HNF4A: variants seen among roughly 807,000 people sequenced by gnomAD.
The protein encoded by HNF4A is hepatocyte nuclear factor 4 alpha.
In HNF4A, 15 loss-of-function variants were observed where a neutral mutation model predicts 52.4. The ratio of observed to expected loss-of-function variants is 0.29; its 90% CI spans 0.19 to 0.44. HNF4A has a LOEUF of 0.44. Among genes scored for constraint, HNF4A ranks in the 20% least tolerant of loss-of-function variants. HNF4A has a pLI of 1.00. For synonymous variants in HNF4A, 280 were observed against 264.4 expected, an observed-to-expected ratio of 1.06 and a Z score of -0.57; for missense variants, 479 against 647.2, an observed-to-expected ratio of 0.74 and a Z score of 2.82.
chr20:44,369,272 A>AAC (rs2063006229), intron 1 of HNF4A, among the ~76,000 whole-genome samples: 2 of 148,316 alleles, frequency 1.3e-5, no homozygotes, highest in Non-Finnish European at 3.0e-5. Context: ...AAAAAAAAAA[A>AAC]AAAAAACTGG....
At position 44,365,151 on chromosome 20, in the gene HNF4A, C is replaced by CT. The variant is rs373662883; in HGVS notation, c.49+9308dup. Among the ~76,000 whole-genome samples the CT allele has an allele frequency of 7.1e-3, 1,057 of 148,708 alleles. 9 individuals are homozygous for CT. The highest frequency in any genetic ancestry group is 0.024 in the African/African-American group (988 of 40,608). The stretch of plus-strand genomic sequence containing the variant: ...GTAAATATACAATTTAAAAAAGTAT[C>CT]TTTTTTTTTTGGTTTGTTTTTGTTT... On this transcript the variant is annotated intron_variant, in intron 1 of 9. Coordinates refer to the HNF4A transcript ENST00000316673.
intron 2 of HNF4A, among the ~76,000 whole-genome samples, chr20:44,406,641 T>C (rs2063505033): frequency 6.6e-6 from 1 of 152,186 alleles, no homozygotes; most frequent in South Asian, 2.1e-4. Flanking sequence ...CCCCAGGGGC[T>C]TCCACCAACC....
At chr20:44,381,279 C>CTTTTT (rs11477724) in intron 1 of HNF4A, among the ~76,000 whole-genome samples, 1 of 110,130 alleles carries the variant, frequency 9.1e-6, no homozygotes, top group African/African-American at 3.6e-5. Context: ...TCAGTGAGAG[C>CTTTTT]TTTTTTTTTT....
chr20:44,419,083 G>A (rs777170345), intron 6 of HNF4A, among the ~76,000 whole-genome samples: 35 of 152,028 alleles, frequency 2.3e-4, no homozygotes, highest in Non-Finnish European at 4.7e-4. Flanking sequence ...GCCTACCTGT[G>A]CATTCTGATG....
chr20:44,355,889 A>G, intron 1 of HNF4A, 36 bp downstream of exon 1: 1 of 1,585,738 alleles, frequency 6.3e-7, no homozygotes, highest in Non-Finnish European at 8.6e-7. Context: ...ACAGGGCGGG[A>G]CTGCGGTCAG....
At chr20:44,433,982 C>A (rs563062472), downstream of HNF4A, 2 of 152,360 alleles carry the variant, frequency 1.3e-5, no homozygotes, top group Admixed American at 1.3e-4. Context: ...CAAATCCGGG[C>A]TTTTGTTCCT....
intron 8 of HNF4A, among the ~76,000 whole-genome samples, chr20:44,425,021 A>T (rs985676062): frequency 6.6e-6 from 1 of 152,220 alleles, no homozygotes; most frequent in African/African-American, 2.4e-5. Context: ...TCCCTCAATC[A>T]TCCAGGCTGG....
rs572814589 is a variant in HNF4A, at chr20:44,418,044, G to A, written c.649-381G>A. ...ATTCTCCATAGCTGGTCCATGGGTG[G>A]GAATTTGGGACCCACAGTTTTGGAA... On this transcript the variant is annotated intron_variant, in intron 5 of 9. Coordinates refer to ENST00000316099, the MANE Select transcript of HNF4A (RefSeq NM_000457.6). 1.8e-4 allele frequency among the ~76,000 whole-genome samples: 27 copies of A among 151,966 alleles called. 1 individual carries two copies. The South Asian group carries it at 4.8e-3, about 27-fold the overall frequency.
At chr20:44,387,182 G>A (rs2063235319) in intron 1 of HNF4A, among the ~76,000 whole-genome samples, 1 of 151,272 alleles carries the variant, frequency 6.6e-6, no homozygotes. Context: ...CAGCTACTCA[G>A]GAGGCTGAGG....
At chr20:44,398,344 T>A (rs922794392), upstream of HNF4A, among the ~76,000 whole-genome samples, 2 of 152,272 alleles carry the variant, frequency 1.3e-5, no homozygotes, top group African/African-American at 4.8e-5. Flanking sequence ...CGTCTCCAGT[T>A]ACTTTGCATC....
chr20:44,419,593 G>C lies in HNF4A; in HGVS notation c.737-128G>C. On this transcript the variant is annotated intron_variant, in intron 6 of 9. Coordinates refer to ENST00000316099, the MANE Select transcript of HNF4A (RefSeq NM_000457.6). Reference sequence around the variant, plus strand: ...CCTCAGCTTCCTTACCTGTGAAATGGGAGTCACCATCCCTGCAGGTCCTCC... The same window carrying C: ...CCTCAGCTTCCTTACCTGTGAAATGCGAGTCACCATCCCTGCAGGTCCTCC... The C allele has an allele frequency of 3.6e-6, 3 of 844,626 alleles. No individual in the cohort carries two copies. The South Asian group carries it at 4.1e-5, about 11-fold the overall frequency. The allele number at this position is 844,626 out of a possible 1,614,324, so 52.3% of individuals were successfully genotyped here. A position where few individuals can be genotyped will look rare whatever the true frequency, so the allele number is the denominator to read the frequency against.
rs575245692 is a variant in HNF4A, at chr20:44,429,980, G to A, written c.*315G>A. ...CCCGACTTCATCCCAAAGGACAGCC[G>A]CCTGGAGATGACTTGAGGCCTTACT... On this transcript the variant is annotated 3_prime_UTR_variant, in exon 10 of 10. Coordinates refer to ENST00000316099, the MANE Select transcript of HNF4A (RefSeq NM_000457.6). 1.3e-5 allele frequency: 5 copies of A among 376,542 alleles called. No homozygotes were observed. Among genetic ancestry groups the A allele is most frequent in the South Asian group, 1.0e-4 (3 of 28,904 alleles). The allele number at this position is 376,542 out of a possible 1,614,324, so 23.3% of individuals were successfully genotyped here.
chr20:44,429,522 G>A lies in HNF4A; in HGVS notation c.1283-1G>A, dbSNP rs1260119760. ...CCCTGTCTGTCTGTTTGTCCTTCCAGCCACCCCTGAGACCCCACAGCCCTC... is the reference window on the plus strand; with the variant it reads ...CCCTGTCTGTCTGTTTGTCCTTCCAACCACCCCTGAGACCCCACAGCCCTC... On this transcript the variant is annotated splice_acceptor_variant, in intron 9 of 9. Coordinates refer to ENST00000316099, the MANE Select transcript of HNF4A (RefSeq NM_000457.6). LOFTEE classifies it high-confidence loss of function. 1.2e-6 allele frequency: 2 copies of A among 1,613,988 alleles called. No homozygotes were observed. The highest frequency in any genetic ancestry group is 2.7e-5 in the African/African-American group (2 of 74,886).
upstream of HNF4A, among the ~76,000 whole-genome samples, chr20:44,400,913 G>A (rs977669844): frequency 2.6e-5 from 4 of 152,142 alleles, no homozygotes; most frequent in Non-Finnish European, 5.9e-5. Context: ...AGGGGATCTC[G>A]GAGGTAGGCT....
chr20:44,414,813 C>T, intron 5 of HNF4A, 151 bp downstream of exon 5: 2 of 755,188 alleles, frequency 2.6e-6, no homozygotes, highest in Admixed American at 4.8e-5. Flanking sequence ...AACTTTAAAT[C>T]ACCTTACAAA....
chr20:44,421,864 A>G (rs2063751230), intron 7 of HNF4A, among the ~76,000 whole-genome samples: 1 of 147,496 alleles, frequency 6.8e-6, no homozygotes, highest in African/African-American at 2.5e-5. Context: ...TATTATATAT[A>G]GTGATATATA....
At chr20:44,406,307 G>C in intron 2 of HNF4A, 75 bp downstream of exon 2, 3 of 1,356,858 alleles carry the variant, frequency 2.2e-6, no homozygotes, top group Non-Finnish European at 3.1e-6. Flanking sequence ...TCTTCTCCCT[G>C]AGTGGGTAGG....
intron 3 of HNF4A, among the ~76,000 whole-genome samples, chr20:44,408,553 C>G (rs765659287): frequency 2.0e-5 from 3 of 151,970 alleles, no homozygotes; most frequent in Admixed American, 2.0e-4. Flanking sequence ...GGTAAAACCC[C>G]GTCTCTACTA....
rs146880957 is a variant in HNF4A, at chr20:44,368,739, A to G, written c.49+12886A>G. 3.9e-4 allele frequency among the ~76,000 whole-genome samples: 59 copies of G among 152,344 alleles called. No homozygotes were observed. The East Asian group carries it at 0.011, about 28-fold the overall frequency. The stretch of plus-strand genomic sequence containing the variant: ...CAGTGAAGATTAATTGAAACAGTGC[A>G]TGGAAAGACCTTGGTTCACATACAG... On this transcript the variant is annotated intron_variant, in intron 1 of 9. Transcript: ENST00000316673.
Sources: allele counts gnomAD v4.1 joint callset (sites outside exome capture counted in the v4.1 genomes callset), GRCh38; gene constraint gnomAD v4.1.1; transcripts MANE v1.5; gene names NCBI Gene and HGNC (gene_info 2026-07-23, HGNC 2026-07-21).